Variants in GLS2 observed in about 807,000 individuals in gnomAD.
The protein encoded by GLS2 is glutaminase liver isoform, mitochondrial.
GLS2 carries 52 observed loss-of-function variants against 79.0 expected under a neutral mutation model. The observed-to-expected ratio is 0.66, with a 90% CI of 0.53 to 0.83. GLS2 has a LOEUF of 0.83. Among genes scored for constraint, GLS2 ranks in the 40% least tolerant of loss-of-function variants. GLS2 has a pLI of 0.00. For synonymous variants in GLS2, 238 were observed against 280.8 expected (o/e 0.85, Z 1.52); for missense variants, 561 against 764.8 (o/e 0.73, Z 3.14).
chr12:56,475,179 C>G, intron 9 of GLS2, 69 bp from the exon 10 acceptor site: 1 of 1,608,448 alleles, frequency 6.2e-7, no homozygotes, highest in Non-Finnish European at 8.5e-7. Flanking sequence ...GAAAAATTAC[C>G]TTCCCTGGAG....
At chr12:56,473,368 T>A in intron 13 of GLS2, 48 bp from the exon 14 acceptor site, 1 of 1,605,972 alleles carries the variant, frequency 6.2e-7, no homozygotes, top group Non-Finnish European at 8.5e-7. Flanking sequence ...TTACACTTAG[T>A]AGGAGCTCAA....
intron 9 of GLS2, chr12:56,475,336 C>T: frequency 5.8e-6 from 7 of 1,198,348 alleles, no homozygotes; most frequent in Non-Finnish European, 8.0e-6. Context: ...ACTGTCTAGT[C>T]ATCTAGGAAA....
intron 7 of GLS2, 60 bp downstream of exon 7, chr12:56,477,600 G>A (rs1869932130): frequency 1.3e-6 from 2 of 1,513,796 alleles, no homozygotes; most frequent in Non-Finnish European, 1.8e-6. Context: ...AAATATGAGG[G>A]ATACAGGAAC....
Position 56,472,620 on chromosome 12 carries a change from T to C in GLS2, c.1511+70A>G, listed in dbSNP as rs572058296. The C allele has an allele frequency of 1.3e-4, 186 of 1,386,886 alleles. 1 individual carries two copies. Among genetic ancestry groups the C allele is most frequent in the Non-Finnish European group, 1.6e-5 (16 of 975,618 alleles). 85.9% of individuals were successfully genotyped at this position (1,386,886 alleles called of 1,614,324 possible). ...AAGCTGAAGCACTTAACTATTTTGT[T>C]ACGCTGCCTCCTAGTAAAATCTCTG... is the stretch of plus-strand genomic sequence containing the variant. On this transcript the variant is annotated intron_variant, in intron 15 of 17. Transcript: ENST00000311966.
Position 56,471,781 on chromosome 12 carries a change from G to A in GLS2, c.1644C>T (p.Ala548=). 2 of 1,614,074 alleles carry A rather than the reference G, an allele frequency of 1.2e-6. No individual in the cohort carries two copies. The highest frequency in any genetic ancestry group is 2.2e-5 in the South Asian group (2 of 91,050). ...TTTAGCCTATTCCTCACCTGTCCTT[G>A]GCAAAAGGATTCACTTTGCAAGCCT... ...LIEACKVNPF[A]KDRWGNIPLD... is the part of the protein sequence containing the mutation. Residue 548 remains alanine (A), a synonymous_variant, in exon 17 of 18, where the codon GCC becomes GCT. Transcript: ENST00000311966.
intron 1 of GLS2, among the ~76,000 whole-genome samples, chr12:56,483,082 T>TC (rs1376790891): frequency 4.0e-5 from 6 of 151,384 alleles, no homozygotes; most frequent in Non-Finnish European, 7.4e-5. Context: ...TCTTTTTCTT[T>TC]CTTTTTTTTT....
chr12:56,473,659 A>G, intron 12 of GLS2, 65 bp from the exon 13 acceptor site: 1 of 1,545,678 alleles, frequency 6.5e-7, no homozygotes, highest in Non-Finnish European at 8.7e-7. Context: ...TAAACAAGTT[A>G]GGCTGTACTC....
chr12:56,474,951 TGTCAGG>T, intron 10 of GLS2, 55 bp from the exon 11 acceptor site: 1 of 1,613,856 alleles, frequency 6.2e-7, no homozygotes, highest in Non-Finnish European at 8.5e-7. Context: ...CCTTTCACAC[TGTCAGG>T]GTCTCAGCTG....
intron 15 of GLS2, 198 bp from the exon 16 acceptor site, chr12:56,472,393 C>T: frequency 1.6e-6 from 1 of 613,386 alleles, no homozygotes; most frequent in South Asian, 2.0e-5. Flanking sequence ...GAATGTGATC[C>T]TTCCAGAAAT....
chr12:56,480,718 G>T (rs776383352), intron 1 of GLS2, among the ~76,000 whole-genome samples: 2 of 152,036 alleles, frequency 1.3e-5, no homozygotes, highest in African/African-American at 2.4e-5. Context: ...TCCCACCTGG[G>T]TTAACAGCAT....
intron 1 of GLS2, among the ~76,000 whole-genome samples, chr12:56,480,975 A>G (rs1186940101): frequency 6.6e-6 from 1 of 152,216 alleles, no homozygotes; most frequent in Non-Finnish European, 1.5e-5. Flanking sequence ...ATACAAGGGT[A>G]GTAATGTCTA....
intron 1 of GLS2, among the ~76,000 whole-genome samples, chr12:56,486,666 C>A (rs1870710208): frequency 6.6e-6 from 1 of 152,098 alleles, no homozygotes; most frequent in Admixed American, 6.6e-5. Context: ...CACGGTGAAA[C>A]CCTGTCTCTA....
intron 1 of GLS2, among the ~76,000 whole-genome samples, chr12:56,481,257 GC>G (rs1402806117): frequency 7.2e-6 from 1 of 138,132 alleles, no homozygotes; most frequent in Non-Finnish European, 1.5e-5. Flanking sequence ...CCAGGCTGGA[GC>G]GCAATGGCGC....
intron 11 of GLS2, 24 bp from the exon 12 acceptor site, chr12:56,474,744 A>G (rs1277190490): frequency 6.2e-7 from 1 of 1,609,472 alleles, no homozygotes; most frequent in East Asian, 2.2e-5. Context: ...GAATAGGTGA[A>G]GATGTGACGT....
Position 56,474,671 on chromosome 12 carries a change from G to A in GLS2, c.1097C>T (p.Thr366Ile). The change falls in exon 12 of 18, where the codon ACC (threonine) becomes ATC (isoleucine). Residue 366 changes from threonine (T) to isoleucine (I), a missense_variant. Coordinates refer to ENST00000311966, the MANE Select transcript of GLS2 (RefSeq NM_013267.4). Reference sequence around the variant, plus strand: ...GGGGCAGATCCCACCGTTGGCGAGGGTGGCTGCCATGACACTGCCTGATTC... The same window carrying A: ...GGGGCAGATCCCACCGTTGGCGAGGATGGCTGCCATGACACTGCCTGATTC... ...TCESGSVMAA[T>I]LANGGICPIT... 1.2e-6 allele frequency: 2 copies of A among 1,613,428 alleles called. No homozygotes were observed. Among genetic ancestry groups the A allele is most frequent in the Non-Finnish European group, 1.7e-6 (2 of 1,179,518 alleles).
intron 1 of GLS2, among the ~76,000 whole-genome samples, chr12:56,483,784 A>G (rs1870484002): frequency 1.3e-5 from 2 of 151,912 alleles, no homozygotes; most frequent in African/African-American, 4.8e-5. Flanking sequence ...TTTTATTTCA[A>G]TAGGTTTTTG....
intron 12 of GLS2, chr12:56,473,805 T>C (rs908671660): frequency 8.6e-6 from 5 of 583,428 alleles, no homozygotes; most frequent in Admixed American, 3.6e-5. Flanking sequence ...TTTGAAATAC[T>C]TACAGCATTC....
At position 56,475,983 on chromosome 12, in the gene GLS2, G is replaced by A; in HGVS notation, c.838-6C>T. ...TCTGCTTTGTTACAGTCCATCTGCAGAGAAAGAGAGAGATGTCAGCATTCT... is the reference window on the plus strand; with the variant it reads ...TCTGCTTTGTTACAGTCCATCTGCAAAGAAAGAGAGAGATGTCAGCATTCT... On this transcript the variant is annotated splice_polypyrimidine_tract_variant and splice_region_variant and intron_variant, in intron 7 of 17. Transcript: ENST00000311966. 1 of 1,612,620 alleles carries A rather than the reference G, an allele frequency of 6.2e-7. No individual in the cohort carries two copies. Among genetic ancestry groups the A allele is most frequent in the South Asian group, 1.1e-5 (1 of 91,062 alleles).
At chr12:56,485,655 A>C (rs1870623200) in intron 1 of GLS2, among the ~76,000 whole-genome samples, 1 of 152,220 alleles carries the variant, frequency 6.6e-6, no homozygotes, top group Admixed American at 6.5e-5. Flanking sequence ...TATAGTGATC[A>C]GATAAGGGTA....
Sources: allele counts gnomAD v4.1 joint callset (sites outside exome capture counted in the v4.1 genomes callset), GRCh38; gene constraint gnomAD v4.1.1; transcripts MANE v1.5; gene names NCBI Gene and HGNC (gene_info 2026-07-23, HGNC 2026-07-21).